The following CNTNAP2 variants were observed in gnomAD, a reference collection of about 807,000 sequenced individuals.
CNTNAP2 encodes contactin associated protein 2, also known as contactin-associated protein-like 2.
In CNTNAP2, 98 loss-of-function variants were observed where a neutral mutation model predicts 155.2. That is an observed-to-expected ratio of 0.63 (90% CI 0.54 to 0.75). The LOEUF is 0.75. CNTNAP2 is among the 30% of genes least tolerant of loss of function. The pLI is 0.00. For synonymous variants in CNTNAP2, 651 were observed against 631.2 expected (o/e 1.03, Z -0.47); for missense variants, 1,727 against 1,688.1 (o/e 1.02, Z -0.40).
At chr7:146,265,308 A>G (rs903257133) in intron 1 of CNTNAP2, among the ~76,000 whole-genome samples, 3 of 151,822 alleles carry the variant, frequency 2.0e-5, no homozygotes, top group African/African-American at 7.3e-5. Flanking sequence ...AAAGTGTTAT[A>G]AAGATGCAAT....
intron 1 of CNTNAP2, among the ~76,000 whole-genome samples, chr7:146,689,571 G>T (rs1202969847): frequency 6.6e-6 from 1 of 152,040 alleles, no homozygotes; most frequent in Non-Finnish European, 1.5e-5. Context: ...AATTATATCT[G>T]TCACTCTCGT....
intron 1 of CNTNAP2, among the ~76,000 whole-genome samples, chr7:146,370,152 G>A (rs1011041343): frequency 2.0e-5 from 3 of 150,806 alleles, no homozygotes; most frequent in South Asian, 2.1e-4. Context: ...GGGCAAGGTG[G>A]CTTACGACTG....
At chr7:147,224,960 C>T (rs907786745) in intron 8 of CNTNAP2, among the ~76,000 whole-genome samples, 10 of 152,180 alleles carry the variant, frequency 6.6e-5, no homozygotes, top group African/African-American at 2.4e-4. Context: ...TTAGAGACAA[C>T]TGTATCTTAT....
intron 1 of CNTNAP2, among the ~76,000 whole-genome samples, chr7:146,541,913 TA>T (rs1484089675): frequency 6.6e-6 from 1 of 152,056 alleles, no homozygotes; most frequent in African/African-American, 2.4e-5. Flanking sequence ...ATTGTTAATT[TA>T]ATGTTCTTAG....
intron 1 of CNTNAP2, among the ~76,000 whole-genome samples, chr7:146,744,240 A>T (rs1271787500): frequency 1.3e-5 from 2 of 151,532 alleles, no homozygotes. Context: ...AAAAAAAAAA[A>T]AAAAAAAAAA....
intron 8 of CNTNAP2, among the ~76,000 whole-genome samples, chr7:147,159,552 A>G (rs1801987401): frequency 6.6e-6 from 1 of 152,130 alleles, no homozygotes; most frequent in Admixed American, 6.6e-5. Context: ...AACACAGATT[A>G]AATGCATCAG....
chr7:146,347,681 T>C (rs1306376794), intron 1 of CNTNAP2, among the ~76,000 whole-genome samples: 1 of 152,158 alleles, frequency 6.6e-6, no homozygotes, highest in East Asian at 1.9e-4. Context: ...TTCTCCTGCC[T>C]CAGACTCCCA....
intron 8 of CNTNAP2, among the ~76,000 whole-genome samples, chr7:147,143,329 C>T (rs889818675): frequency 3.9e-5 from 6 of 152,114 alleles, no homozygotes; most frequent in Non-Finnish European, 8.8e-5. Flanking sequence ...CTCACATGTC[C>T]TCTACAAAAA....
rs189108862 is a variant in CNTNAP2 at position 146,723,660 on chromosome 7, T to A, written c.98-50611T>A. The stretch of plus-strand genomic sequence containing the variant: ...AGAACACACTTTATATTTAGAGAAA[T>A]TAGCTAAATGGTCAATGCAGTTCAA... On this transcript the variant is annotated intron_variant, in intron 1 of 23. Coordinates refer to ENST00000361727, the MANE Select transcript of CNTNAP2 (RefSeq NM_014141.6). 2.6e-5 allele frequency among the ~76,000 whole-genome samples: 4 copies of A among 152,264 alleles called. No homozygotes were observed. The East Asian group carries it at 7.7e-4, about 29-fold the overall frequency.
intron 1 of CNTNAP2, among the ~76,000 whole-genome samples, chr7:146,198,120 T>C (rs1189481996): frequency 6.6e-6 from 1 of 152,078 alleles, no homozygotes; most frequent in Non-Finnish European, 1.5e-5. Context: ...TCCCTACACA[T>C]GTGGGGATGA....
intron 1 of CNTNAP2, among the ~76,000 whole-genome samples, chr7:146,312,146 G>C (rs1387310329): frequency 6.6e-6 from 1 of 152,008 alleles, no homozygotes; most frequent in Non-Finnish European, 1.5e-5. Flanking sequence ...TTAACATTTG[G>C]GATAAAAAGT....
At chr7:146,383,117 A>G (rs1177987775) in intron 1 of CNTNAP2, among the ~76,000 whole-genome samples, 2 of 152,290 alleles carry the variant, frequency 1.3e-5, no homozygotes, top group East Asian at 3.9e-4. Flanking sequence ...AATCTGTGTG[A>G]AATAGCTACA....
intron 13 of CNTNAP2, among the ~76,000 whole-genome samples, chr7:147,709,078 T>C (rs1796363049): frequency 6.6e-6 from 1 of 152,182 alleles, no homozygotes; most frequent in South Asian, 2.1e-4. Flanking sequence ...AGGGATGTGG[T>C]CAGCTGATGC....
intron 21 of CNTNAP2, among the ~76,000 whole-genome samples, chr7:148,306,788 T>C (rs1264669514): frequency 6.6e-6 from 1 of 152,094 alleles, no homozygotes; most frequent in Non-Finnish European, 1.5e-5. Flanking sequence ...TGTGTGTGTA[T>C]ATGTGTATTT....
intron 17 of CNTNAP2, among the ~76,000 whole-genome samples, chr7:148,160,298 G>A (rs1047914218): frequency 6.6e-6 from 1 of 151,110 alleles, no homozygotes; most frequent in Non-Finnish European, 1.5e-5. Flanking sequence ...TATAGTCTCA[G>A]CTACCCTGGA....
chr7:146,130,461 G>A (rs1797698052), intron 1 of CNTNAP2, among the ~76,000 whole-genome samples: 1 of 152,186 alleles, frequency 6.6e-6, no homozygotes, highest in Non-Finnish European at 1.5e-5. Flanking sequence ...ACAAGAGTGA[G>A]ACTCTGCCTC....
Position 147,211,239 on chromosome 7 carries a change from T to G in CNTNAP2, c.1348+78730T>G, listed in dbSNP as rs1372072663. On this transcript the variant is annotated intron_variant, in intron 8 of 23. Transcript: ENST00000361727. ...GCTGTCAGTGGGGTGTTTAAGTGCCTTATTATTATTGTGTGGCTGTCTAGT... is the reference window on the plus strand; with the variant it reads ...GCTGTCAGTGGGGTGTTTAAGTGCCGTATTATTATTGTGTGGCTGTCTAGT... Among the ~76,000 whole-genome samples, 4 of 152,094 alleles carry G rather than the reference T, an allele frequency of 2.6e-5. No homozygotes were observed. In the East Asian group the frequency reaches 5.8e-4, roughly 22 times the overall value.
chr7:148,344,414 C>T (rs1798286222), intron 21 of CNTNAP2, among the ~76,000 whole-genome samples: 1 of 152,184 alleles, frequency 6.6e-6, no homozygotes, highest in African/African-American at 2.4e-5. Flanking sequence ...CAGAGTCCTT[C>T]TCCAATCACC....
At position 147,619,915 on chromosome 7, in the gene CNTNAP2, A is replaced by T. The variant is rs541407882; in HGVS notation, c.1898-19191A>T. Among the ~76,000 whole-genome samples the T allele has an allele frequency of 2.6e-5, 4 of 152,294 alleles. No individual in the cohort carries two copies. The Middle Eastern group carries it at 0.01, about 389-fold the overall frequency. On this transcript the variant is annotated intron_variant, in intron 12 of 23. Coordinates refer to ENST00000361727, the MANE Select transcript of CNTNAP2 (RefSeq NM_014141.6). Reference sequence around the variant, plus strand: ...CTGGCTTTAGATCTGACCCAGCACAATCCTAGTGGTGGTGGCCAAGGAGTA... The same window carrying T: ...CTGGCTTTAGATCTGACCCAGCACATTCCTAGTGGTGGTGGCCAAGGAGTA...
Sources: allele counts gnomAD v4.1 joint callset (sites outside exome capture counted in the v4.1 genomes callset), GRCh38; gene constraint gnomAD v4.1.1; transcripts MANE v1.5; gene names NCBI Gene and HGNC (gene_info 2026-07-23, HGNC 2026-07-21).